SUGP2: variants seen among roughly 807,000 people sequenced by gnomAD.
The protein encoded by SUGP2 is SURP and G-patch domain containing 2.
Under a neutral mutation model 90.5 loss-of-function variants are expected in SUGP2, and 24 were observed. The ratio of observed to expected loss-of-function variants is 0.27; its 90% CI spans 0.19 to 0.37. SUGP2 has a LOEUF of 0.37. SUGP2 is among the 10% of genes least tolerant of loss of function. The pLI is 1.00. For missense variants in SUGP2, 1,233 were observed against 1,363.3 expected (o/e 0.90, Z 1.51); for synonymous variants, 473 against 513.4 (o/e 0.92, Z 1.06).
At chr19:19,002,129 C>T (rs2057857734) in intron 7 of SUGP2, among the ~76,000 whole-genome samples, 1 of 152,206 alleles carries the variant, frequency 6.6e-6, no homozygotes, top group Admixed American at 6.5e-5. Context: ...CCTGTAATCC[C>T]ATCACTTTGG....
chr19:19,004,752 G>T, intron 6 of SUGP2, 106 bp from the exon 7 acceptor site: 2 of 939,456 alleles, frequency 2.1e-6, no homozygotes, highest in Non-Finnish European at 3.2e-6. Context: ...TGGGACAAGG[G>T]AAAGAATAAC....
intron 8 of SUGP2, among the ~76,000 whole-genome samples, chr19:18,996,885 G>A (rs897155324): frequency 2.6e-5 from 4 of 152,068 alleles, no homozygotes; most frequent in East Asian, 1.9e-4. Context: ...TTTACTGAAC[G>A]ACCTGGGGAG....
intron 6 of SUGP2, 67 bp downstream of exon 6, chr19:19,008,250 G>T: frequency 7.5e-7 from 1 of 1,334,232 alleles, no homozygotes; most frequent in Non-Finnish European, 1.1e-6. Context: ...TCCAGCCTAA[G>T]CAACATCCTT....
At chr19:19,029,714 C>A (rs1465249608) in intron 2 of SUGP2, among the ~76,000 whole-genome samples, 1 of 150,652 alleles carries the variant, frequency 6.6e-6, no homozygotes, top group Admixed American at 6.6e-5. Context: ...CCGAGGCGGG[C>A]AGATCACAAG....
chr19:19,021,365 C>T (rs2058721563), intron 3 of SUGP2, among the ~76,000 whole-genome samples: 1 of 152,140 alleles, frequency 6.6e-6, no homozygotes, highest in Admixed American at 6.6e-5. Context: ...AATCCTTCAA[C>T]TGCCACGTTA....
In SUGP2 at chr19:19,004,751, G is replaced by C. The variant is rs751006011; in HGVS notation, c.2451-105C>G. 232 of 945,016 alleles carry C rather than the reference G, an allele frequency of 2.5e-4. 1 individual carries two copies. The highest frequency in any genetic ancestry group is 3.0e-4 in the Non-Finnish European group (192 of 630,682). 58.5% of individuals were successfully genotyped at this position (945,016 alleles called of 1,614,324 possible). A position where few individuals can be genotyped will look rare whatever the true frequency, so the allele number is the denominator to read the frequency against. On this transcript the variant is annotated intron_variant, in intron 6 of 10. Transcript: ENST00000452918. ...CCAAGGAAGGTGGAGGTGGGACAAG[G>C]GAAAGAATAACCTGACCAGTCTCTA...
At position 19,024,750 on chromosome 19, in the gene SUGP2, G is replaced by C. The variant is rs1362313357; in HGVS notation, c.1598C>G (p.Ala533Gly). 2 of 1,614,052 alleles carry C rather than the reference G, an allele frequency of 1.2e-6. No individual in the cohort carries two copies. The highest frequency in any genetic ancestry group is 1.7e-6 in the Non-Finnish European group (2 of 1,180,052). ...GGGACATCCGCTGCTGACTAGCCAG[G>C]CCTTCAGGTGGTCTATGTACTCTCG... ...FGREYIDHLK[A>G]WLVSSGCPLQ... The change falls in exon 3 of 11, where the codon GCC becomes GGC. Residue 533 changes from alanine to glycine, a missense_variant. Ala to Gly is a moderately conservative substitution (Grantham distance 60, BLOSUM62 0). Around this residue, in one of 8 missense-constraint regions of SUGP2, gnomAD observed 540 missense variants for 542.6 expected, o/e 1.00. Coordinates refer to ENST00000452918, the MANE Select transcript of SUGP2 (RefSeq NM_001017392.5).
At position 19,019,717 on chromosome 19, in the gene SUGP2, T is replaced by G. The variant is rs577601374; in HGVS notation, c.1730-488A>C. ...TGTTAGGAAATATGTTAACAGAGGT[T>G]ATAGGGGGTAGAATTATCAGGAATT... On this transcript the variant is annotated intron_variant, in intron 3 of 10. Coordinates refer to ENST00000452918, the MANE Select transcript of SUGP2 (RefSeq NM_001017392.5). 2.0e-5 allele frequency among the ~76,000 whole-genome samples: 3 copies of G among 151,000 alleles called. No individual in the cohort carries two copies. In the East Asian group the frequency reaches 5.8e-4, roughly 29 times the overall value.
intron 8 of SUGP2, among the ~76,000 whole-genome samples, chr19:18,997,827 C>T (rs1235181211): frequency 6.6e-6 from 1 of 151,000 alleles, no homozygotes; most frequent in Non-Finnish European, 1.5e-5. Context: ...AAAGCGATAC[C>T]CCGAATTATA....
chr19:19,024,109 T>C (rs2058832509), intron 3 of SUGP2, among the ~76,000 whole-genome samples: 1 of 152,158 alleles, frequency 6.6e-6, no homozygotes, highest in Non-Finnish European at 1.5e-5. Flanking sequence ...TAAAAATGTC[T>C]AAAAATTTTT....
At position 19,025,560 on chromosome 19, in the gene SUGP2, G is replaced by C; in HGVS notation, c.788C>G (p.Pro263Arg). 6.2e-7 allele frequency: 1 copy of C among 1,613,972 alleles called. No individual in the cohort carries two copies. The highest frequency in any genetic ancestry group is 8.5e-7 in the Non-Finnish European group (1 of 1,180,002). Residue 263 changes from proline (P) to arginine (R), a missense_variant, in exon 3 of 11, where the codon CCC becomes CGC. Pro to Arg is a moderately radical substitution (Grantham distance 103). This residue lies in a region of SUGP2 where 418 missense variants were observed against 399.9 expected (regional missense o/e 1.05). Coordinates refer to ENST00000452918, the MANE Select transcript of SUGP2 (RefSeq NM_001017392.5). ...KKIPTVNRITPKTQGTNQIQK... is the reference protein window; with the variant it reads ...KKIPTVNRITRKTQGTNQIQK... ...GATTTGGTTAGTGCCCTGAGTTTTGGGAGTAATACGATTCACGGTGGGTAT... is the reference window on the plus strand; with the variant it reads ...GATTTGGTTAGTGCCCTGAGTTTTGCGAGTAATACGATTCACGGTGGGTAT...
intron 3 of SUGP2, among the ~76,000 whole-genome samples, chr19:19,023,770 T>C (rs980180255): frequency 6.6e-6 from 1 of 151,974 alleles, no homozygotes; most frequent in African/African-American, 2.4e-5. Flanking sequence ...GGTACATGCC[T>C]ATAGTCCCAG....
intron 2 of SUGP2, among the ~76,000 whole-genome samples, chr19:19,029,475 G>C (rs1237669123): frequency 2.1e-5 from 3 of 145,018 alleles, no homozygotes; most frequent in Non-Finnish European, 3.0e-5. Flanking sequence ...GTCTCGCTCT[G>C]TCGCCCAGGC....
intron 8 of SUGP2, among the ~76,000 whole-genome samples, chr19:19,001,411 G>C (rs2057827511): frequency 6.6e-6 from 1 of 152,222 alleles, no homozygotes; most frequent in Admixed American, 6.5e-5. Flanking sequence ...TTACACAGAT[G>C]AATCACTAGT....
intron 4 of SUGP2, among the ~76,000 whole-genome samples, 179 bp downstream of exon 4, chr19:19,018,930 T>A (rs955578476): frequency 1.3e-5 from 2 of 152,206 alleles, no homozygotes; most frequent in African/African-American, 4.8e-5. Flanking sequence ...ACCACTGGTC[T>A]GCAGCAGAGC....
At chr19:19,012,925 G>A (rs148339198) in intron 4 of SUGP2, among the ~76,000 whole-genome samples, 200 of 151,934 alleles carry the variant, frequency 1.3e-3, no homozygotes, top group African/African-American at 4.5e-3. Context: ...GTGCAGTGGC[G>A]CAATCTCGGA....
At chr19:19,017,303 CA>C (rs2058535550) in intron 4 of SUGP2, among the ~76,000 whole-genome samples, 1 of 152,210 alleles carries the variant, frequency 6.6e-6, no homozygotes, top group Non-Finnish European at 1.5e-5. Flanking sequence ...TGGTCTCCAT[CA>C]GGGGCAGCTC....
At chr19:18,995,037 C>A (rs1262354334) in intron 9 of SUGP2, 107 bp downstream of exon 9, 1 of 1,424,846 alleles carries the variant, frequency 7.0e-7, no homozygotes, top group Admixed American at 2.0e-5. Context: ...AAACAAAAAT[C>A]AACTGCCAGC....
At chr19:19,021,411 T>C (rs1311646870) in intron 3 of SUGP2, among the ~76,000 whole-genome samples, 1 of 152,106 alleles carries the variant, frequency 6.6e-6, no homozygotes, top group Non-Finnish European at 1.5e-5. Flanking sequence ...GCTTTTTTTT[T>C]CATGGCTCTC....
Sources: allele counts gnomAD v4.1 joint callset (sites outside exome capture counted in the v4.1 genomes callset), GRCh38; gene constraint gnomAD v4.1.1; regional missense constraint gnomAD v4.1.1; transcripts MANE v1.5; gene names NCBI Gene and HGNC (gene_info 2026-07-23, HGNC 2026-07-21).